The following UBASH3B variants were observed in gnomAD, a reference collection of about 807,000 sequenced individuals.
UBASH3B encodes the protein ubiquitin-associated and SH3 domain-containing protein B.
UBASH3B carries 37 observed loss-of-function variants against 83.4 expected under a neutral mutation model. The observed-to-expected ratio is 0.44, with a 90% CI of 0.34 to 0.58. The LOEUF is 0.58. Among genes scored for constraint, UBASH3B ranks in the 20% least tolerant of loss-of-function variants. The pLI, the probability that UBASH3B is intolerant of heterozygous loss-of-function variation, is 0.01. For synonymous variants in UBASH3B, 304 were observed against 318.3 expected, an observed-to-expected ratio of 0.96 and a Z score of 0.48; for missense variants, 657 against 827.2, an observed-to-expected ratio of 0.79 and a Z score of 2.52.
At chr11:122,688,026 G>A (rs969080535) in intron 1 of UBASH3B, among the ~76,000 whole-genome samples, 5 of 151,728 alleles carry the variant, frequency 3.3e-5, no homozygotes, top group African/African-American at 9.7e-5. Flanking sequence ...TGGGCCACTC[G>A]GCATGGCAGG....
intron 2 of UBASH3B, 147 bp from the exon 3 acceptor site, chr11:122,776,876 GA>G (rs2135140495): frequency 3.0e-6 from 2 of 677,760 alleles, no homozygotes; most frequent in East Asian, 3.2e-5. Context: ...TGAGTTTCCA[GA>G]AGTAGATTTT....
chr11:122,726,592 G>A (rs1860746741), intron 1 of UBASH3B, among the ~76,000 whole-genome samples: 1 of 152,040 alleles, frequency 6.6e-6, no homozygotes, highest in African/African-American at 2.4e-5. Context: ...CAAGTGATCT[G>A]TTCACCTCAT....
At chr11:122,678,856 GT>G (rs1208129704) in intron 1 of UBASH3B, among the ~76,000 whole-genome samples, 1 of 152,198 alleles carries the variant, frequency 6.6e-6, no homozygotes, top group Non-Finnish European at 1.5e-5. Flanking sequence ...TAGTCCCAGC[GT>G]TTCGCCTGAT....
At chr11:122,794,098 A>G (rs1861108211) in intron 6 of UBASH3B, among the ~76,000 whole-genome samples, 1 of 152,228 alleles carries the variant, frequency 6.6e-6, no homozygotes, top group Non-Finnish European at 1.5e-5. Flanking sequence ...TTTGGTGCCA[A>G]CCATGCATGG....
intron 1 of UBASH3B, among the ~76,000 whole-genome samples, chr11:122,701,159 G>T (rs1017430510): frequency 2.6e-5 from 4 of 152,102 alleles, no homozygotes; most frequent in African/African-American, 7.2e-5. Flanking sequence ...GAATTTCTTG[G>T]CTTCTTTGTC....
chr11:122,669,487 G>A (rs1360241573), intron 1 of UBASH3B, among the ~76,000 whole-genome samples: 1 of 152,158 alleles, frequency 6.6e-6, no homozygotes, highest in African/African-American at 2.4e-5. Flanking sequence ...CTTTTGCCAT[G>A]TAAGGTCACA....
Position 122,789,118 on chromosome 11 carries a change from C to T in UBASH3B, c.790C>T (p.Pro264Ser), listed in dbSNP as rs776420430. 21 of 1,613,196 alleles carry T rather than the reference C, an allele frequency of 1.3e-5. No individual in the cohort carries two copies. In the South Asian group the frequency reaches 2.3e-4, roughly 18 times the overall value. The change falls in exon 6 of 14, where the codon CCC becomes TCC. Residue 264 changes from proline (P) to serine (S), a missense_variant. Physicochemically the swap from Pro to Ser is moderately conservative, Grantham distance 74. This residue lies in a region of UBASH3B where 573 missense variants were observed against 739.0 expected (regional missense o/e 0.78). Transcript: ENST00000284273. ...TTTCCAGACATTACAGGTCATCTAC[C>T]CCTATACCCCACAAAATGACGATGA... ...ANHETLQVIY[P>S]YTPQNDDELE...
chr11:122,674,416 T>C (rs1398864508), intron 1 of UBASH3B, among the ~76,000 whole-genome samples: 2 of 150,834 alleles, frequency 1.3e-5, no homozygotes, highest in Non-Finnish European at 1.5e-5. Flanking sequence ...AGTCTAGCTC[T>C]GTTGCTGAGG....
intron 1 of UBASH3B, among the ~76,000 whole-genome samples, chr11:122,756,963 G>C (rs1012016554): frequency 1.3e-5 from 2 of 152,220 alleles, no homozygotes; most frequent in Non-Finnish European, 2.9e-5. Flanking sequence ...GCGGGTCTTA[G>C]TTCCTCATCT....
At chr11:122,714,212 C>T (rs1289441237) in intron 1 of UBASH3B, among the ~76,000 whole-genome samples, 2 of 152,176 alleles carry the variant, frequency 1.3e-5, no homozygotes, top group African/African-American at 2.4e-5. Flanking sequence ...ATTGGGATTC[C>T]CCTAAATAAG....
chr11:122,695,950 A>G (rs562733227), intron 1 of UBASH3B, among the ~76,000 whole-genome samples: 1 of 151,994 alleles, frequency 6.6e-6, no homozygotes, highest in African/African-American at 2.4e-5. Context: ...TTTATTTTTT[A>G]TTTTATTTTT....
chr11:122,793,499 T>C (rs1274833784), intron 6 of UBASH3B, among the ~76,000 whole-genome samples: 1 of 152,208 alleles, frequency 6.6e-6, no homozygotes, highest in Non-Finnish European at 1.5e-5. Flanking sequence ...TGGAGCAAAC[T>C]GGGATGGATG....
At chr11:122,745,459 T>C (rs1861103845) in intron 1 of UBASH3B, among the ~76,000 whole-genome samples, 1 of 152,198 alleles carries the variant, frequency 6.6e-6, no homozygotes, top group Non-Finnish European at 1.5e-5. Flanking sequence ...CACAGTCCCA[T>C]GAATACATAG....
chr11:122,754,000 A>G (rs2135970238), intron 1 of UBASH3B, among the ~76,000 whole-genome samples: 1 of 152,166 alleles, frequency 6.6e-6, no homozygotes, highest in Admixed American at 6.5e-5. Flanking sequence ...GGAAGGTTTC[A>G]TATCTGCACT....
intron 11 of UBASH3B, among the ~76,000 whole-genome samples, chr11:122,802,983 C>T (rs953658977): frequency 1.3e-5 from 2 of 152,114 alleles, no homozygotes; most frequent in Non-Finnish European, 2.9e-5. Flanking sequence ...GCCTCCCAAG[C>T]GGCCTTACAA....
Position 122,795,620 on chromosome 11 carries a change from A to G in UBASH3B, c.1114-536A>G, listed in dbSNP as rs1861141275. On this transcript the variant is annotated intron_variant, in intron 7 of 13. Transcript: ENST00000284273. ...GTCTCATTTTGGGGATCATATATAT[A>G]GTCAGACAGCAGAGGCTACATAGTG... Among the ~76,000 whole-genome samples, 3 of 152,362 alleles carry G rather than the reference A, an allele frequency of 2.0e-5. No homozygotes were observed. In the South Asian group the frequency reaches 6.2e-4, roughly 32 times the overall value.
At chr11:122,796,875 T>C (rs1861165624) in intron 8 of UBASH3B, 36 bp from the exon 9 acceptor site, 2 of 1,613,578 alleles carry the variant, frequency 1.2e-6, no homozygotes, top group African/African-American at 1.3e-5. Context: ...AAACAAGAAA[T>C]GTATGTATCC....
chr11:122,755,784 G>A (rs1861273666), intron 1 of UBASH3B, among the ~76,000 whole-genome samples: 1 of 152,122 alleles, frequency 6.6e-6, no homozygotes, highest in Non-Finnish European at 1.5e-5. Flanking sequence ...TTAAGATTGG[G>A]TATCTATTAA....
Position 122,805,540 on chromosome 11 carries a change from AAAC to A in UBASH3B, c.1596-855_1596-853del, listed in dbSNP as rs940341742. On this transcript the variant is annotated intron_variant, in intron 11 of 13. Transcript: ENST00000284273. The stretch of plus-strand genomic sequence containing the variant: ...AGAGTGAAACTCAATCTCAAAAATA[AAAC>A]AACAACAACAACAAAAAACAAATAA... 3.3e-5 allele frequency among the ~76,000 whole-genome samples: 5 copies of A among 152,308 alleles called. No homozygotes were observed. In the South Asian group the frequency reaches 8.3e-4, roughly 25 times the overall value.
Sources: allele counts gnomAD v4.1 joint callset (sites outside exome capture counted in the v4.1 genomes callset), GRCh38; gene constraint gnomAD v4.1.1; regional missense constraint gnomAD v4.1.1; transcripts MANE v1.5; gene names NCBI Gene and HGNC (gene_info 2026-07-23, HGNC 2026-07-21).